The following SLC16A7 variants were observed in gnomAD, a reference collection of about 807,000 sequenced individuals.
The protein encoded by SLC16A7 is solute carrier family 16 member 7.
A neutral mutation model predicts 34.9 loss-of-function variants in SLC16A7; 33 were observed. The observed-to-expected ratio is 0.94, with a 90% CI of 0.72 to 1.26. The LOEUF is 1.26. SLC16A7 is among the 50% of genes most tolerant of loss of function. The pLI is 0.00. For missense variants in SLC16A7, 573 were observed against 578.1 expected (o/e 0.99, Z 0.09); for synonymous variants, 201 against 206.6 (o/e 0.97, Z 0.23).
At chr12:59,653,873 T>A (rs1453678919) in intron 1 of SLC16A7, among the ~76,000 whole-genome samples, 1 of 151,638 alleles carries the variant, frequency 6.6e-6, no homozygotes, top group Non-Finnish European at 1.5e-5. Flanking sequence ...CTCATGTGAT[T>A]TTTTTATATT....
At chr12:59,777,425 T>A (rs1470719623) in intron 5 of SLC16A7, among the ~76,000 whole-genome samples, 1 of 152,174 alleles carries the variant, frequency 6.6e-6, no homozygotes, top group Non-Finnish European at 1.5e-5. Flanking sequence ...TGCTGTTACG[T>A]CTTACATAGT....
At chr12:59,599,394 A>G (rs575139439) in intron 1 of SLC16A7, among the ~76,000 whole-genome samples, 4 of 152,276 alleles carry the variant, frequency 2.6e-5, no homozygotes, top group Admixed American at 2.6e-4. Flanking sequence ...ATGCTCATTT[A>G]TGCAGAATAG....
rs370411890 is a variant in SLC16A7 at position 59,704,096 on chromosome 12, G to A, written c.-30-676G>A. On this transcript the variant is annotated intron_variant, in intron 2 of 5. Transcript: ENST00000547379. ...GCCTGCCTGTAATCCCAGTTACTAGGGTCTGAGGCAGGAGGATCGCTTGAA... is the reference window on the plus strand; with the variant it reads ...GCCTGCCTGTAATCCCAGTTACTAGAGTCTGAGGCAGGAGGATCGCTTGAA... 4.8e-4 allele frequency among the ~76,000 whole-genome samples: 72 copies of A among 149,652 alleles called. 2 individuals are homozygous for A. The South Asian group carries it at 0.015, about 31-fold the overall frequency.
chr12:59,706,010 T>G (rs1012279684), intron 3 of SLC16A7, among the ~76,000 whole-genome samples: 1 of 152,166 alleles, frequency 6.6e-6, no homozygotes, highest in Non-Finnish European at 1.5e-5. Context: ...TTAATCCTCT[T>G]AATGATCCGT....
chr12:59,648,443 G>T (rs547615846), intron 1 of SLC16A7, among the ~76,000 whole-genome samples: 1 of 152,238 alleles, frequency 6.6e-6, no homozygotes, highest in South Asian at 2.1e-4. Context: ...ATTGTACTTA[G>T]TACGTTATAT....
intron 2 of SLC16A7, among the ~76,000 whole-genome samples, chr12:59,704,232 A>G: frequency 6.7e-6 from 1 of 150,326 alleles, no homozygotes; most frequent in Non-Finnish European, 1.5e-5. Context: ...AAAGAAAAAA[A>G]AAAGAAAAAG....
rs146705399 is a variant in SLC16A7 at position 59,695,818 on chromosome 12, T to C, written c.-30-8954T>C. ...TTATATATTCAGCACCATATTTAAA[T>C]TGAAACAAAGATATTGGATGGATTA... On this transcript the variant is annotated intron_variant, in intron 2 of 5. Transcript: ENST00000547379. Among the ~76,000 whole-genome samples, 739 of 152,200 alleles carry C rather than the reference T, an allele frequency of 4.9e-3. 4 individuals are homozygous for C. The highest frequency in any genetic ancestry group is 0.021 in the South Asian group (100 of 4,830).
chr12:59,767,505 A>G (rs751237534), intron 3 of SLC16A7, among the ~76,000 whole-genome samples: 3 of 152,090 alleles, frequency 2.0e-5, no homozygotes, highest in African/African-American at 4.8e-5. Context: ...AGCAAAGCTC[A>G]TTTACTATTC....
chr12:59,649,952 CT>C (rs760897407), intron 1 of SLC16A7, among the ~76,000 whole-genome samples: 4 of 151,720 alleles, frequency 2.6e-5, no homozygotes, highest in Non-Finnish European at 5.9e-5. Flanking sequence ...TCCATCCCCC[CT>C]CCCCACCAAA....
intron 1 of SLC16A7, among the ~76,000 whole-genome samples, chr12:59,634,876 G>T (rs943305623): frequency 6.6e-6 from 1 of 152,004 alleles, no homozygotes; most frequent in African/African-American, 2.4e-5. Flanking sequence ...GATATTCCTA[G>T]ATATAAATTA....
chr12:59,740,438 G>A (rs1332436857), intron 3 of SLC16A7, among the ~76,000 whole-genome samples: 6 of 152,110 alleles, frequency 3.9e-5, no homozygotes, highest in Non-Finnish European at 8.8e-5. Context: ...TGCTGTTTTG[G>A]TGACTGTAGC....
chr12:59,636,830 T>A (rs934207404), intron 1 of SLC16A7, among the ~76,000 whole-genome samples: 4 of 152,166 alleles, frequency 2.6e-5, no homozygotes, highest in Non-Finnish European at 5.9e-5. Flanking sequence ...ATAATCCAGA[T>A]GCTAATCCTT....
intron 1 of SLC16A7, among the ~76,000 whole-genome samples, chr12:59,636,192 G>A (rs929851089): frequency 2.0e-5 from 3 of 151,858 alleles, no homozygotes; most frequent in African/African-American, 4.8e-5. Context: ...TTACACTTAC[G>A]ATATTTGAAG....
intron 3 of SLC16A7, among the ~76,000 whole-genome samples, chr12:59,758,575 G>GAGAAACAAAA: frequency 6.6e-6 from 1 of 151,634 alleles, no homozygotes; most frequent in Non-Finnish European, 1.5e-5. Context: ...ATAAAGCAGG[G>GAGAAACAAAA]AGAAACAAAA....
At chr12:59,716,620 G>C (rs1399447864) in intron 3 of SLC16A7, among the ~76,000 whole-genome samples, 2 of 152,172 alleles carry the variant, frequency 1.3e-5, no homozygotes, top group Admixed American at 1.3e-4. Context: ...GGCCAAGGCA[G>C]GGGGATCACT....
intron 3 of SLC16A7, among the ~76,000 whole-genome samples, chr12:59,753,713 C>T (rs1450659717): frequency 6.6e-6 from 1 of 152,120 alleles, no homozygotes; most frequent in African/African-American, 2.4e-5. Context: ...AGAAAGTTAA[C>T]AAGGATACCC....
intron 1 of SLC16A7, among the ~76,000 whole-genome samples, chr12:59,635,221 G>A (rs1880364127): frequency 6.6e-6 from 1 of 151,942 alleles, no homozygotes; most frequent in African/African-American, 2.4e-5. Flanking sequence ...TCTCAGCTTG[G>A]AGTTATCAGC....
chr12:59,644,055 G>A (rs1880800155), intron 1 of SLC16A7, among the ~76,000 whole-genome samples: 1 of 152,066 alleles, frequency 6.6e-6, no homozygotes, highest in African/African-American at 2.4e-5. Flanking sequence ...TACAGCATTT[G>A]ATAAGTTTGA....
intron 3 of SLC16A7, among the ~76,000 whole-genome samples, chr12:59,718,743 G>A (rs1875213200): frequency 6.6e-6 from 1 of 152,080 alleles, no homozygotes; most frequent in Non-Finnish European, 1.5e-5. Context: ...TCTGCAGCAT[G>A]GGAACTAGGG....
Sources: gnomAD v4.1 joint callset for allele counts (sites outside exome capture counted in the v4.1 genomes callset) on GRCh38, gnomAD v4.1.1 for gene constraint, MANE v1.5 for transcripts, NCBI Gene and HGNC (gene_info 2026-07-23, HGNC 2026-07-21) for gene names.